TSPAN7: variants seen among roughly 807,000 people sequenced by gnomAD.
TSPAN7 encodes the protein tetraspanin 7, also known as tetraspanin-7.
A neutral mutation model predicts 17.6 loss-of-function variants in TSPAN7; 1 was observed. The observed-to-expected ratio is 0.06, with a 90% confidence interval of 0.02 to 0.27. The LOEUF is 0.27. Ranked by LOEUF, TSPAN7 falls within the 10% of genes least tolerant of loss-of-function variation. The probability of loss-of-function intolerance (pLI) is 1.00; values close to 1 mark genes in which losing one functional copy is unlikely to be tolerated. For missense variants in TSPAN7, 112 were observed against 201.7 expected, an observed-to-expected ratio of 0.56 and a Z score of 2.69; for synonymous variants, 78 against 79.0, an observed-to-expected ratio of 0.99 and a Z score of 0.07.
At chrX:38,586,471 G>A (rs763997646) in intron 1 of TSPAN7, among the ~76,000 whole-genome samples, 2 of 112,111 alleles carry the variant, frequency 1.8e-5, no homozygotes, top group Admixed American at 1.9e-4. Flanking sequence ...TGACCTATTT[G>A]CCCAGAGTCT....
At chrX:38,673,532 TA>T (rs1253731590) in intron 3 of TSPAN7, among the ~76,000 whole-genome samples, 2 of 109,081 alleles carry the variant, frequency 1.8e-5, no homozygotes, top group Admixed American at 9.8e-5. Flanking sequence ...CATGCCTGAC[TA>T]ATTTTTTTTT....
At chrX:38,653,683 T>C (rs1031014297) in intron 1 of TSPAN7, among the ~76,000 whole-genome samples, 3 of 112,730 alleles carry the variant, frequency 2.7e-5, no homozygotes, top group African/African-American at 9.7e-5. Context: ...GCTTTTAAAG[T>C]ATCAAACTAT....
intron 1 of TSPAN7, among the ~76,000 whole-genome samples, chrX:38,622,680 C>T (rs1169948243): frequency 8.9e-6 from 1 of 112,323 alleles, no homozygotes; most frequent in African/African-American, 3.2e-5. Context: ...GATTGAGTGC[C>T]ATGTTGGCAG....
intron 2 of TSPAN7, among the ~76,000 whole-genome samples, chrX:38,667,999 C>T (rs1160623646): frequency 8.9e-6 from 1 of 111,994 alleles, no homozygotes; most frequent in Admixed American, 9.5e-5. Context: ...TATTGAGAAC[C>T]TTTTGTTTAG....
intron 1 of TSPAN7, among the ~76,000 whole-genome samples, chrX:38,571,601 C>T (rs958257531): frequency 1.8e-5 from 2 of 111,246 alleles, no homozygotes; most frequent in Non-Finnish European, 3.8e-5. Context: ...TGGCCTTGCA[C>T]TCTTAGGAGA....
chrX:38,644,623 G>A (rs908647500), intron 1 of TSPAN7, among the ~76,000 whole-genome samples: 3 of 111,488 alleles, frequency 2.7e-5, no homozygotes, highest in South Asian at 3.8e-4. Context: ...AATAAATGAC[G>A]TGGATTCTAG....
chrX:38,688,663 CATG>C lies in TSPAN7; in HGVS notation c.*735_*737del, dbSNP rs760839593. ...CTGTGTTGTTGCTTCTTGTGAAGGCCATGATATTTTGTTTTTCCCCAATTAATT... is the reference window on the plus strand; with the variant it reads ...CTGTGTTGTTGCTTCTTGTGAAGGCCATATTTTGTTTTTCCCCAATTAATT... On this transcript the variant is annotated 3_prime_UTR_variant, in exon 8 of 8. Transcript: ENST00000378482. 8.9e-6 allele frequency: 1 copy of C among 112,162 alleles called. No individual in the cohort carries two copies. Among genetic ancestry groups the C allele is most frequent in the Admixed American group, 9.5e-5 (1 of 10,570 alleles). The allele number at this position is 112,162 out of a possible 1,213,427, so 9.2% of individuals were successfully genotyped here. A position where few individuals can be genotyped will look rare whatever the true frequency, so the allele number is the denominator to read the frequency against.
Position 38,561,622 on chromosome X carries a change from T to C in TSPAN7, c.76T>C (p.Phe26Leu). The change falls in exon 1 of 8, where the codon TTC (phenylalanine) becomes CTC (leucine). Residue 26 changes from phenylalanine (F) to leucine (L), a missense_variant. Physicochemically the swap from Phe to Leu is conservative, Grantham distance 22. Coordinates refer to ENST00000378482, the MANE Select transcript of TSPAN7 (RefSeq NM_004615.4). Reference protein sequence around the residue: ...KTLLIIYSFVFWITGVILLAV... With the variant: ...KTLLIIYSFVLWITGVILLAV... The stretch of plus-strand genomic sequence containing the variant: ...CCTCCTCATCATCTACTCCTTCGTC[T>C]TCTGGGTAAGTGCCCACGCCGGGCC... 3.3e-6 allele frequency: 4 copies of C among 1,205,492 alleles called. No homozygotes were observed. The highest frequency in any genetic ancestry group is 4.5e-6 in the Non-Finnish European group (4 of 891,352).
intron 1 of TSPAN7, among the ~76,000 whole-genome samples, chrX:38,652,664 C>A (rs1255501535): frequency 8.9e-6 from 1 of 112,405 alleles, no homozygotes; most frequent in Non-Finnish European, 1.9e-5. Flanking sequence ...CAGCCCAGTT[C>A]ATAAAATGGA....
rs143142763 is a variant in TSPAN7, at chrX:38,566,074, C to T, written c.81+4447C>T. On this transcript the variant is annotated intron_variant, in intron 1 of 7. Transcript: ENST00000378482. ...TAAGTCCTGTGAAGAAAAAATGGAG[C>T]GTTATGCAAAACTGTATATTTATTG... is the stretch of plus-strand genomic sequence containing the variant. 1.0e-3 allele frequency among the ~76,000 whole-genome samples: 114 copies of T among 112,052 alleles called. 1 individual carries two copies. Among genetic ancestry groups the T allele is most frequent in the African/African-American group, 3.5e-3 (108 of 30,825 alleles).
rs189316902 is a variant in TSPAN7, at chrX:38,597,030, G to A, written c.81+35403G>A. Reference sequence around the variant, plus strand: ...TTTGGCATTGTTACTGACTTTCTCTGTCCACCTACGAAAGTGCTTTTTGAG... The same window carrying A: ...TTTGGCATTGTTACTGACTTTCTCTATCCACCTACGAAAGTGCTTTTTGAG... On this transcript the variant is annotated intron_variant, in intron 1 of 7. Coordinates refer to ENST00000378482, the MANE Select transcript of TSPAN7 (RefSeq NM_004615.4). 3.6e-5 allele frequency among the ~76,000 whole-genome samples: 4 copies of A among 111,085 alleles called. No individual in the cohort carries two copies. In the East Asian group the frequency reaches 1.1e-3, roughly 32 times the overall value.
chrX:38,644,224 A>G (rs2069632159), intron 1 of TSPAN7, among the ~76,000 whole-genome samples: 1 of 111,875 alleles, frequency 8.9e-6, no homozygotes, highest in South Asian at 3.7e-4. Context: ...TTTTGCTGAG[A>G]AGTGCTGATG....
At chrX:38,639,308 G>A (rs897936373) in intron 1 of TSPAN7, among the ~76,000 whole-genome samples, 2 of 109,143 alleles carry the variant, frequency 1.8e-5, no homozygotes, top group Non-Finnish European at 3.8e-5. Flanking sequence ...GGGTACTAAG[G>A]AAGTTATGTA....
intron 1 of TSPAN7, chrX:38,562,941 A>G (rs1392493998): frequency 2.1e-6 from 2 of 941,179 alleles, no homozygotes; most frequent in Non-Finnish European, 2.7e-6. Context: ...CCCCTCACCC[A>G]CCACCATATA....
intron 1 of TSPAN7, among the ~76,000 whole-genome samples, chrX:38,651,293 G>A (rs1051819846): frequency 2.7e-5 from 3 of 110,279 alleles, no homozygotes; most frequent in East Asian, 5.7e-4. Flanking sequence ...GTGAAACTCC[G>A]TCTCTACTAA....
At chrX:38,626,048 C>T (rs1043970004) in intron 1 of TSPAN7, among the ~76,000 whole-genome samples, 2 of 112,402 alleles carry the variant, frequency 1.8e-5, no homozygotes, top group African/African-American at 6.5e-5. Flanking sequence ...ACTGCTATTT[C>T]TTCAGTGCTT....
At chrX:38,641,540 A>G in intron 1 of TSPAN7, among the ~76,000 whole-genome samples, 1 of 111,659 alleles carries the variant, frequency 9.0e-6, no homozygotes, top group East Asian at 2.8e-4. Context: ...CTGAAATCTT[A>G]GAAAAGAACT....
chrX:38,563,022 A>G, intron 1 of TSPAN7: 1 of 971,365 alleles, frequency 1.0e-6, no homozygotes, highest in Non-Finnish European at 1.3e-6. Flanking sequence ...TAGATGGCAA[A>G]CCGGACTGTT....
At chrX:38,597,172 G>C (rs1422310075) in intron 1 of TSPAN7, among the ~76,000 whole-genome samples, 1 of 111,201 alleles carries the variant, frequency 9.0e-6, no homozygotes, top group Non-Finnish European at 1.9e-5. Context: ...CCCCCAAATC[G>C]GTACTTCTGG....
Sources: gnomAD v4.1 joint callset for allele counts (sites outside exome capture counted in the v4.1 genomes callset) on GRCh38, gnomAD v4.1.1 for gene constraint, MANE v1.5 for transcripts, NCBI Gene and HGNC (gene_info 2026-07-23, HGNC 2026-07-21) for gene names.